Variants in PSD2 observed in about 807,000 individuals in gnomAD.
The protein encoded by PSD2 is PH and SEC7 domain-containing protein 2.
Under a neutral mutation model 69.8 loss-of-function variants are expected in PSD2, and 38 were observed. That is an observed-to-expected ratio of 0.54 (90% confidence interval 0.42 to 0.71). The LOEUF (loss-of-function observed/expected upper bound fraction) is 0.71. PSD2 is among the 30% of genes least tolerant of loss of function. The probability of loss-of-function intolerance (pLI) is 0.00; values close to 1 mark genes in which losing one functional copy is unlikely to be tolerated. For synonymous variants in PSD2, 412 were observed against 423.0 expected, an observed-to-expected ratio of 0.97 and a Z score of 0.32; for missense variants, 943 against 1,014.5, an observed-to-expected ratio of 0.93 and a Z score of 0.96.
chr5:139,782,173 T>A, the PSD2 span, among the ~76,000 whole-genome samples: 1 of 152,130 alleles, frequency 6.6e-6, no homozygotes, highest in African/African-American at 2.4e-5. Context: ...TTATCTAGTT[T>A]TTTTTGTTTG....
At chr5:139,790,539 A>G in the PSD2 span, among the ~76,000 whole-genome samples, 3 of 152,148 alleles carry the variant, frequency 2.0e-5, no homozygotes, top group Non-Finnish European at 4.4e-5. Context: ...GAAGATGAGA[A>G]GGTGCAGCCA....
intron 7 of PSD2, among the ~76,000 whole-genome samples, chr5:139,828,527 C>T (rs1561604314): frequency 6.6e-6 from 1 of 152,292 alleles, no homozygotes; most frequent in East Asian, 1.9e-4. Flanking sequence ...CAGAGCCTCA[C>T]ACAATAACCT....
chr5:139,794,883 G>A (rs115533525), upstream of PSD2, among the ~76,000 whole-genome samples: 2,415 of 152,250 alleles, frequency 0.016, 73 homozygotes, highest in African/African-American at 0.054. Context: ...AGTTCTTAAT[G>A]TCTAGCCCAG....
Position 139,809,504 on chromosome 5 carries a change from C to T in PSD2, c.64C>T (p.Pro22Ser), listed in dbSNP as rs1273594799. 4 of 1,612,954 alleles carry T rather than the reference C, an allele frequency of 2.5e-6. No individual in the cohort carries two copies. The highest frequency in any genetic ancestry group is 2.5e-6 in the Non-Finnish European group (3 of 1,179,494). ...EEGDATRDPG[P>S]EPEEEPGVRN... ...AGGCGATGCCACCCGTGACCCCGGT[C>T]CAGAGCCTGAAGAGGAGCCAGGGGT... Residue 22 changes from proline (P) to serine (S), a missense_variant, in exon 2 of 15, where the codon CCA (proline) becomes TCA (serine). Around this residue, in one of 3 missense-constraint regions of PSD2, gnomAD observed 466 missense variants for 445.0 expected, o/e 1.05. Coordinates refer to ENST00000274710, the MANE Select transcript of PSD2 (RefSeq NM_032289.4).
At chr5:139,813,861 G>T in intron 3 of PSD2, 103 bp downstream of exon 3, 1 of 1,030,730 alleles carries the variant, frequency 9.7e-7, no homozygotes, top group Non-Finnish European at 1.4e-6. Context: ...GAGTCAGCAT[G>T]CCCTCTTCAA....
intron 7 of PSD2, among the ~76,000 whole-genome samples, chr5:139,829,908 CAACT>C (rs1438823958): frequency 6.6e-6 from 1 of 151,308 alleles, no homozygotes; most frequent in African/African-American, 2.4e-5. Flanking sequence ...AGGAAGTGCC[CAACT>C]GTTTTCCATA....
the PSD2 span, among the ~76,000 whole-genome samples, chr5:139,770,569 A>AAAAC: frequency 3.9e-5 from 6 of 152,278 alleles, no homozygotes; most frequent in African/African-American, 4.8e-5. Context: ...CCGTGTCAAA[A>AAAAC]AAACAAACAA....
upstream of PSD2, among the ~76,000 whole-genome samples, chr5:139,793,300 C>T (rs564628306): frequency 6.6e-6 from 1 of 152,300 alleles, no homozygotes; most frequent in East Asian, 1.9e-4. Flanking sequence ...AACAATACTC[C>T]CCTCTCCAGT....
the PSD2 span, among the ~76,000 whole-genome samples, chr5:139,784,753 A>C: frequency 6.6e-6 from 1 of 151,622 alleles, no homozygotes; most frequent in Non-Finnish European, 1.5e-5. Flanking sequence ...CTACATGACA[A>C]ATTCCCCCCC....
chr5:139,761,723 C>T, the PSD2 span, among the ~76,000 whole-genome samples: 3 of 152,200 alleles, frequency 2.0e-5, no homozygotes, highest in Admixed American at 6.5e-5. Flanking sequence ...AATAGCCCAC[C>T]GGCCTCCATC....
the PSD2 span, among the ~76,000 whole-genome samples, chr5:139,766,902 TC>T: frequency 1.3e-5 from 1 of 76,786 alleles, no homozygotes; most frequent in Admixed American, 1.5e-4. Context: ...TTTCCCTCTT[TC>T]CCTCCCTTCC....
At chr5:139,817,169 GC>G (rs2042099948) in intron 4 of PSD2, among the ~76,000 whole-genome samples, 1 of 152,168 alleles carries the variant, frequency 6.6e-6, no homozygotes, top group South Asian at 2.1e-4. Context: ...TGGCCACATG[GC>G]CCTGCTAGTA....
chr5:139,778,010 A>T, the PSD2 span, among the ~76,000 whole-genome samples: 12 of 152,236 alleles, frequency 7.9e-5, no homozygotes, highest in Non-Finnish European at 1.8e-4. Flanking sequence ...AACAAGGCAA[A>T]CCCAGGCCCC....
intron 14 of PSD2, among the ~76,000 whole-genome samples, chr5:139,840,739 T>TG (rs548441195): frequency 3.9e-4 from 59 of 152,076 alleles, no homozygotes; most frequent in African/African-American, 6.5e-4. Context: ...TTAGTAGATA[T>TG]GGGGGTTTCA....
the PSD2 span, among the ~76,000 whole-genome samples, chr5:139,784,809 G>A: frequency 6.6e-6 from 1 of 151,930 alleles, no homozygotes; most frequent in Non-Finnish European, 1.5e-5. Context: ...AGGCTGCAGT[G>A]CAATGGCATG....
intron 7 of PSD2, among the ~76,000 whole-genome samples, chr5:139,823,701 A>G (rs918453507): frequency 7.9e-5 from 12 of 152,214 alleles, no homozygotes; most frequent in Non-Finnish European, 5.9e-5. Context: ...GAGAGGTAAT[A>G]TACATGGCAC....
intron 9 of PSD2, 28 bp from the exon 10 acceptor site, chr5:139,836,783 G>A (rs1322421777): frequency 6.2e-7 from 1 of 1,601,876 alleles, no homozygotes; most frequent in South Asian, 1.1e-5. Context: ...CTCCCTGGAG[G>A]TGGTGCTCAG....
At chr5:139,783,035 A>G in the PSD2 span, among the ~76,000 whole-genome samples, 2 of 152,162 alleles carry the variant, frequency 1.3e-5, no homozygotes, top group African/African-American at 2.4e-5. Context: ...GGTCATGTCT[A>G]TCCTACTTTC....
chr5:139,785,399 T>A, the PSD2 span, among the ~76,000 whole-genome samples: 1 of 152,044 alleles, frequency 6.6e-6, no homozygotes, highest in East Asian at 1.9e-4. Flanking sequence ...AATTTTTGTA[T>A]TTTTAATAGA....
Sources: allele counts gnomAD v4.1 joint callset (sites outside exome capture counted in the v4.1 genomes callset), GRCh38; gene constraint gnomAD v4.1.1; regional missense constraint gnomAD v4.1.1; transcripts MANE v1.5; gene names NCBI Gene and HGNC (gene_info 2026-07-23, HGNC 2026-07-21).